PPFIA2: variants seen among roughly 807,000 people sequenced by gnomAD.
PPFIA2 encodes the protein PPFI scaffold protein A2.
PPFIA2 carries 46 observed loss-of-function variants against 175.5 expected under a neutral mutation model. The observed-to-expected ratio is 0.26, with a 90% CI of 0.21 to 0.34. The LOEUF (loss-of-function observed/expected upper bound fraction) is 0.34, where lower values mean the gene tolerates loss of function less well. Ranked by LOEUF, PPFIA2 falls within the 10% of genes least tolerant of loss-of-function variation. The probability of loss-of-function intolerance (pLI) is 1.00; values close to 1 mark genes in which losing one functional copy is unlikely to be tolerated. For missense variants in PPFIA2, 1,179 were observed against 1,506.1 expected (o/e 0.78, Z 3.60); for synonymous variants, 568 against 511.4 (o/e 1.11, Z -1.49).
At chr12:81,400,298 C>T (rs548020248) in intron 8 of PPFIA2, among the ~76,000 whole-genome samples, 2 of 152,126 alleles carry the variant, frequency 1.3e-5, no homozygotes, top group South Asian at 2.1e-4. Flanking sequence ...GTTCTAAGTA[C>T]CTATTTTTGT....
intron 4 of PPFIA2, among the ~76,000 whole-genome samples, chr12:81,489,049 A>G (rs969746193): frequency 2.6e-5 from 4 of 151,880 alleles, no homozygotes; most frequent in African/African-American, 7.2e-5. Context: ...CTTGGACCAG[A>G]TATACCATTT....
chr12:81,353,350 A>C lies in PPFIA2; in HGVS notation c.1774-11T>G. 6.4e-7 allele frequency: 1 copy of C among 1,567,546 alleles called. No individual in the cohort carries two copies. The highest frequency in any genetic ancestry group is 8.8e-7 in the Non-Finnish European group (1 of 1,138,068). On this transcript the variant is annotated splice_polypyrimidine_tract_variant and intron_variant, in intron 16 of 32. Transcript: ENST00000549396. ...CCCAAGAGATTTCACCTGAATGGTG[A>C]ATGAAAAAATGCAGAATATTTATCA...
chr12:81,570,019 G>C (rs2072187492), intron 4 of PPFIA2, among the ~76,000 whole-genome samples: 3 of 152,054 alleles, frequency 2.0e-5, no homozygotes, highest in South Asian at 4.1e-4. Flanking sequence ...CTAGACACAG[G>C]CTAGCCAGTT....
intron 27 of PPFIA2, 27 bp downstream of exon 27, chr12:81,281,230 T>TG: frequency 6.8e-7 from 1 of 1,476,686 alleles, no homozygotes; most frequent in Non-Finnish European, 9.1e-7. Context: ...AATTATTCTT[T>TG]GGGGAAAAAA....
intron 4 of PPFIA2, among the ~76,000 whole-genome samples, chr12:81,626,141 T>C (rs926865851): frequency 4.0e-5 from 6 of 151,760 alleles, no homozygotes; most frequent in African/African-American, 1.2e-4. Flanking sequence ...ATTTACAAGA[T>C]TGTAGATTAA....
chr12:81,622,589 T>C (rs1014769179), intron 4 of PPFIA2, among the ~76,000 whole-genome samples: 2 of 152,160 alleles, frequency 1.3e-5, no homozygotes, highest in South Asian at 2.1e-4. Context: ...TTGAAGCATC[T>C]GGACATATCC....
At position 81,617,974 on chromosome 12, in the gene PPFIA2, A is replaced by T. The variant is rs1460220217; in HGVS notation, c.303+58817T>A. Among the ~76,000 whole-genome samples the T allele has an allele frequency of 2.0e-5, 3 of 152,196 alleles. No homozygotes were observed. In the East Asian group the frequency reaches 5.8e-4, roughly 29 times the overall value. ...GTGTGGAGGGACAAGAACTAGAGCA[A>T]AGGATAAAGGGATTCGTGAGTTGTG... On this transcript the variant is annotated intron_variant, in intron 4 of 32. Coordinates refer to ENST00000549396, the MANE Select transcript of PPFIA2 (RefSeq NM_003625.5).
chr12:81,670,257 G>A (rs2071160826), intron 4 of PPFIA2, among the ~76,000 whole-genome samples: 1 of 151,870 alleles, frequency 6.6e-6, no homozygotes, highest in Admixed American at 6.6e-5. Context: ...AAATTTTTCA[G>A]TTATTATTAT....
intron 4 of PPFIA2, among the ~76,000 whole-genome samples, chr12:81,497,978 G>A (rs1567074974): frequency 6.6e-6 from 1 of 152,014 alleles, no homozygotes; most frequent in South Asian, 2.1e-4. Context: ...AATTGGTTTG[G>A]AAAAGACACA....
At chr12:81,643,862 T>G (rs1276427458) in intron 4 of PPFIA2, among the ~76,000 whole-genome samples, 3 of 152,056 alleles carry the variant, frequency 2.0e-5, no homozygotes, top group African/African-American at 4.8e-5. Flanking sequence ...TTAAAAGAGA[T>G]AAAATCAATG....
At chr12:81,526,880 A>G (rs554642319) in intron 4 of PPFIA2, among the ~76,000 whole-genome samples, 1 of 152,072 alleles carries the variant, frequency 6.6e-6, no homozygotes, top group Non-Finnish European at 1.5e-5. Flanking sequence ...TAGAATTCTC[A>G]TAACAGATTT....
At chr12:81,487,823 A>C (rs2058995242) in intron 4 of PPFIA2, among the ~76,000 whole-genome samples, 1 of 151,892 alleles carries the variant, frequency 6.6e-6, no homozygotes, top group Non-Finnish European at 1.5e-5. Context: ...ACAAAACTAT[A>C]TGGAAAGAAT....
At chr12:81,554,908 A>C (rs2068574308) in intron 4 of PPFIA2, among the ~76,000 whole-genome samples, 1 of 152,050 alleles carries the variant, frequency 6.6e-6, no homozygotes, top group Non-Finnish European at 1.5e-5. Flanking sequence ...ACTCTCAGTA[A>C]CAGAGATGAG....
At chr12:81,623,549 T>G (rs2062322908) in intron 4 of PPFIA2, among the ~76,000 whole-genome samples, 1 of 152,014 alleles carries the variant, frequency 6.6e-6, no homozygotes, top group Non-Finnish European at 1.5e-5. Flanking sequence ...CCCAAAATGT[T>G]GGGGTAACTT....
At chr12:81,692,379 ACCCAC>A (rs1261091555) in intron 3 of PPFIA2, among the ~76,000 whole-genome samples, 2 of 152,056 alleles carry the variant, frequency 1.3e-5, no homozygotes, top group African/African-American at 4.8e-5. Flanking sequence ...CCAAATTCCT[ACCCAC>A]AGATATTATG....
chr12:81,602,353 A>G (rs1043686309), intron 4 of PPFIA2, among the ~76,000 whole-genome samples: 11 of 151,968 alleles, frequency 7.2e-5, no homozygotes, highest in African/African-American at 2.6e-4. Context: ...CAAACATCCT[A>G]TTAGAATTAG....
intron 9 of PPFIA2, among the ~76,000 whole-genome samples, chr12:81,376,351 A>T (rs1236782427): frequency 6.6e-6 from 1 of 152,146 alleles, no homozygotes; most frequent in African/African-American, 2.4e-5. Flanking sequence ...CAAATAGATA[A>T]CAAATACCAT....
At chr12:81,319,103 T>C (rs1566113784) in intron 22 of PPFIA2, among the ~76,000 whole-genome samples, 1 of 151,768 alleles carries the variant, frequency 6.6e-6, no homozygotes, top group Non-Finnish European at 1.5e-5. Context: ...AGATCAAAAA[T>C]GTTTCTCCTG....
At chr12:81,311,537 T>C (rs1321863901) in intron 22 of PPFIA2, among the ~76,000 whole-genome samples, 3 of 151,592 alleles carry the variant, frequency 2.0e-5, no homozygotes. Context: ...ATCGAGACCA[T>C]CCTGACTAAC....
Sources: gnomAD v4.1 joint callset for allele counts (sites outside exome capture counted in the v4.1 genomes callset) on GRCh38, gnomAD v4.1.1 for gene constraint, MANE v1.5 for transcripts, NCBI Gene and HGNC (gene_info 2026-07-23, HGNC 2026-07-21) for gene names.